GLT8D2: variants seen among roughly 807,000 people sequenced by gnomAD.
The protein encoded by GLT8D2 is glycosyltransferase 8 domain-containing protein 2.
In GLT8D2, 45 loss-of-function variants were observed where a neutral mutation model predicts 44.5. The observed-to-expected ratio is 1.01, with a 90% confidence interval of 0.80 to 1.30. GLT8D2 has a LOEUF of 1.30. GLT8D2 is among the 50% of genes most tolerant of loss of function. GLT8D2 has a pLI of 0.00. For synonymous variants in GLT8D2, 156 were observed against 157.2 expected, an observed-to-expected ratio of 0.99 and a Z score of 0.06; for missense variants, 400 against 430.4, an observed-to-expected ratio of 0.93 and a Z score of 0.62.
chr12:104,057,256 G>T (rs1232659305), intron 1 of GLT8D2, among the ~76,000 whole-genome samples: 4 of 152,216 alleles, frequency 2.6e-5, no homozygotes, highest in African/African-American at 9.6e-5. Context: ...AGGAGGCTGG[G>T]CATGGTGGCT....
chr12:104,045,385 T>G lies in GLT8D2; in HGVS notation c.-164+4510A>C, dbSNP rs202205722. On this transcript the variant is annotated intron_variant, in intron 1 of 10. Coordinates refer to ENST00000360814, the MANE Select transcript of GLT8D2 (RefSeq NM_001384711.1). ...CTCTGTGGTAATAAATAGCCAAGCC[T>G]TTAACAAGAAATTGCCTGCAGGCCT... Among the ~76,000 whole-genome samples, 4 of 152,266 alleles carry G rather than the reference T, an allele frequency of 2.6e-5. No individual in the cohort carries two copies. In the East Asian group the frequency reaches 7.7e-4, roughly 29 times the overall value.
intron 1 of GLT8D2, among the ~76,000 whole-genome samples, chr12:104,061,043 C>T (rs1014215788): frequency 5.3e-5 from 8 of 152,162 alleles, no homozygotes; most frequent in Non-Finnish European, 7.4e-5. Flanking sequence ...TTGACAGCTG[C>T]CACCAGAAGC....
chr12:104,063,520 A>G (rs1882870080), intron 1 of GLT8D2, among the ~76,000 whole-genome samples: 1 of 152,226 alleles, frequency 6.6e-6, no homozygotes, highest in African/African-American at 2.4e-5. Context: ...CATTCCGGCA[A>G]CAGAGCCAGA....
chr12:104,045,312 C>A (rs1286406066), intron 1 of GLT8D2, among the ~76,000 whole-genome samples: 2 of 152,224 alleles, frequency 1.3e-5, no homozygotes, highest in African/African-American at 2.4e-5. Context: ...GTGCCCCTTA[C>A]ACCTCTGTGA....
In GLT8D2 at chr12:103,998,961, T is replaced by C. The variant is rs186152901; in HGVS notation, c.402+436A>G. Among the ~76,000 whole-genome samples, 30 of 152,330 alleles carry C rather than the reference T, an allele frequency of 2.0e-4. 1 individual carries two copies. Among genetic ancestry groups the C allele is most frequent in the African/African-American group, 7.0e-4 (29 of 41,566 alleles). The stretch of plus-strand genomic sequence containing the variant: ...ATGGTGTCTCCTGAATATATTATCT[T>C]AGTCAATACTATGAAGTATATAATC... On this transcript the variant is annotated intron_variant, in intron 6 of 10. Transcript: ENST00000360814.
chr12:104,005,806 AT>A (rs1461482096), intron 4 of GLT8D2, among the ~76,000 whole-genome samples: 3 of 152,246 alleles, frequency 2.0e-5, no homozygotes, highest in African/African-American at 4.8e-5. Flanking sequence ...TGGTTCAACC[AT>A]TGTGGAAGAC....
At chr12:104,014,112 C>A in intron 4 of GLT8D2, 2 of 536,912 alleles carry the variant, frequency 3.7e-6, no homozygotes, top group South Asian at 2.7e-5. Context: ...GCCTGTAATC[C>A]CAGCACTTTG....
chr12:103,996,846 A>G lies in GLT8D2; in HGVS notation c.489T>C (p.Gly163=), dbSNP rs1448625673. Residue 163 remains glycine (G), a splice_region_variant and synonymous_variant, in exon 8 of 11, where the codon GGT becomes GGC. Transcript: ENST00000360814. ...IYLDDDVIVQ[G]DIQELYDTTL... ...TGGTGTCATACAGTTCTTGGATATC[A>G]CCTGAATTTAGAAACACCACCAAGT... is the stretch of plus-strand genomic sequence containing the variant. 2 of 1,607,858 alleles carry G rather than the reference A, an allele frequency of 1.2e-6. No homozygotes were observed. The highest frequency in any genetic ancestry group is 2.7e-5 in the African/African-American group (2 of 74,734).
Position 103,997,449 on chromosome 12 carries a change from A to G in GLT8D2, c.487+2T>C. On this transcript the variant is annotated splice_donor_variant, in intron 7 of 10. Coordinates refer to ENST00000360814, the MANE Select transcript of GLT8D2 (RefSeq NM_001384711.1). LOFTEE classifies it high-confidence loss of function. ...AGTGTTCTTGGCAGTTAGCGAGAGT[A>G]CCTTGTACAATTACATCATCGTCCA... 1 of 1,602,652 alleles carries G rather than the reference A, an allele frequency of 6.2e-7. No individual in the cohort carries two copies. The highest frequency in any genetic ancestry group is 8.6e-7 in the Non-Finnish European group (1 of 1,169,490).
In GLT8D2 at chr12:103,993,455, T is replaced by C. The variant is rs145520946; in HGVS notation, c.817A>G (p.Met273Val). Reference sequence around the variant, plus strand: ...TATTTCCCATGAAACACAATCAGCATTGGGGAGGTGGCCACCCCTCCTCCC... The same window carrying C: ...TATTTCCCATGAAACACAATCAGCACTGGGGAGGTGGCCACCCCTCCTCCC... ...SLGGGVATSPMLIVFHGKYST... is the reference protein window; with the variant it reads ...SLGGGVATSPVLIVFHGKYST... Residue 273 changes from methionine (M) to valine (V), a missense_variant, in exon 10 of 11, where the codon ATG (methionine) becomes GTG (valine). Physicochemically the swap from Met to Val is conservative, Grantham distance 21. Transcript: ENST00000360814. The C allele has an allele frequency of 8.4e-3, 13,510 of 1,613,152 alleles. 72 individuals are homozygous for C. Among genetic ancestry groups the C allele is most frequent in the Non-Finnish European group, 0.011 (12,556 of 1,179,514 alleles).
intron 3 of GLT8D2, among the ~76,000 whole-genome samples, chr12:104,016,501 G>T (rs1876613952): frequency 6.6e-6 from 1 of 151,640 alleles, no homozygotes; most frequent in Non-Finnish European, 1.5e-5. Flanking sequence ...GCCAGGTGTT[G>T]CGCATGCCTG....
intron 5 of GLT8D2, among the ~76,000 whole-genome samples, chr12:104,001,979 T>A (rs1874278558): frequency 6.6e-6 from 1 of 152,138 alleles, no homozygotes; most frequent in Admixed American, 6.5e-5. Context: ...CAGCCTTATT[T>A]ATTTATTTTT....
At chr12:104,045,917 A>AGG (rs1566213215) in intron 1 of GLT8D2, among the ~76,000 whole-genome samples, 40 of 146,420 alleles carry the variant, frequency 2.7e-4, no homozygotes, top group African/African-American at 9.7e-4. Flanking sequence ...GAAAGAAAGA[A>AGG]AGAAAGAAAG....
intron 2 of GLT8D2, among the ~76,000 whole-genome samples, chr12:104,020,238 C>A (rs1385339361): frequency 1.3e-5 from 2 of 151,988 alleles, no homozygotes; most frequent in Admixed American, 1.3e-4. Context: ...TTTTTTTAAC[C>A]TCTTGTAAAA....
intron 1 of GLT8D2, among the ~76,000 whole-genome samples, chr12:104,047,710 G>T (rs900666287): frequency 5.9e-5 from 9 of 152,142 alleles, no homozygotes; most frequent in African/African-American, 1.9e-4. Flanking sequence ...ATCACCTTGG[G>T]GGTTAGAGTT....
At chr12:104,064,396 C>G (rs1394995695), upstream of GLT8D2, 6 of 587,984 alleles carry the variant, frequency 1.0e-5, no homozygotes, top group Non-Finnish European at 1.6e-5. This position sits in a 1 kb window ranked among gnomAD's most constrained non-coding sequence, Gnocchi z 7.3. Context: ...GTCAGGACCC[C>G]CCTTCCCCAG....
intron 1 of GLT8D2, among the ~76,000 whole-genome samples, chr12:104,041,287 G>A (rs904863980): frequency 2.4e-4 from 36 of 152,186 alleles, no homozygotes; most frequent in African/African-American, 8.2e-4. Flanking sequence ...GGTGACAGGC[G>A]CCTGTAATCC....
chr12:104,064,286 G>A (rs1882954982), upstream of GLT8D2: 1 of 375,058 alleles, frequency 2.7e-6, no homozygotes, highest in East Asian at 4.0e-5. This position sits in a 1 kb window ranked among gnomAD's most constrained non-coding sequence, Gnocchi z 7.3. Flanking sequence ...TCTGGGTGGG[G>A]ATGGGAGACG....
intron 4 of GLT8D2, among the ~76,000 whole-genome samples, chr12:104,014,796 C>G (rs1328015904): frequency 1.3e-5 from 2 of 152,192 alleles, no homozygotes; most frequent in Non-Finnish European, 2.9e-5. Context: ...TTAACAAGCT[C>G]TCCATGTGAC....
Sources: gnomAD v4.1 joint callset for allele counts (sites outside exome capture counted in the v4.1 genomes callset) on GRCh38, gnomAD v4.1.1 for gene constraint, Gnocchi (gnomAD v3.1) non-coding constraint, MANE v1.5 for transcripts, NCBI Gene and HGNC (gene_info 2026-07-23, HGNC 2026-07-21) for gene names.